Variants in DNAAF8 observed in about 807,000 individuals in gnomAD.
The protein encoded by DNAAF8 is dynein axonemal assembly factor 8, also known as dynein axonemal-associated protein 1.
In DNAAF8, 61 loss-of-function variants were observed where a neutral mutation model predicts 54.6. The ratio of observed to expected loss-of-function variants is 1.12; its 90% CI spans 0.91 to 1.38. The LOEUF is 1.38. Among genes scored for constraint, DNAAF8 ranks in the 40% most tolerant of loss-of-function variants. The pLI, the probability that DNAAF8 is intolerant of heterozygous loss-of-function variation, is 0.00. For missense variants in DNAAF8, 837 were observed against 665.0 expected (o/e 1.26, Z -2.85); for synonymous variants, 320 against 270.1 (o/e 1.18, Z -1.81).
At position 4,740,016 on chromosome 16, in the gene DNAAF8, A is replaced by G; in HGVS notation, c.277-137A>G. On this transcript the variant is annotated intron_variant, in intron 3 of 9. Coordinates refer to ENST00000299320, the MANE Select transcript of DNAAF8 (RefSeq NM_139170.3). ...CGAGGCTGCAGTGAGCTATGATCGC[A>G]CCACTGCACTGCAGCCTGGGCAACA... is the stretch of plus-strand genomic sequence containing the variant. The G allele has an allele frequency of 3.7e-6, 4 of 1,072,060 alleles. No homozygotes were observed. The South Asian group carries it at 6.5e-5, about 17-fold the overall frequency. 66.4% of individuals were successfully genotyped at this position (1,072,060 alleles called of 1,614,324 possible). A position where few individuals can be genotyped will look rare whatever the true frequency, so the allele number is the denominator to read the frequency against.
chr16:4,746,882 C>G (rs1266010206), intron 7 of DNAAF8, 45 bp from the exon 8 acceptor site: 1 of 1,481,108 alleles, frequency 6.8e-7, no homozygotes, highest in East Asian at 2.6e-5. Context: ...AGTTGGAACA[C>G]CAGGTGGAGT....
intron 2 of DNAAF8, among the ~76,000 whole-genome samples, chr16:4,737,100 G>C (rs1024111520): frequency 1.3e-5 from 2 of 152,154 alleles, no homozygotes; most frequent in African/African-American, 4.8e-5. Flanking sequence ...GGCTCTCAAA[G>C]ACGCTCAGAC....
chr16:4,736,123 C>G (rs558139364), intron 1 of DNAAF8, among the ~76,000 whole-genome samples: 2 of 151,842 alleles, frequency 1.3e-5, no homozygotes, highest in East Asian at 3.9e-4. Context: ...TAAAATATAC[C>G]TATATATCAT....
intron 4 of DNAAF8, 51 bp from the exon 5 acceptor site, chr16:4,742,992 G>A (rs2081973061): frequency 7.0e-7 from 1 of 1,418,546 alleles, no homozygotes; most frequent in Admixed American, 1.7e-5. Flanking sequence ...AGGTACTTGT[G>A]CCTCTGGGAC....
At position 4,740,643 on chromosome 16, in the gene DNAAF8, C is replaced by T. The variant is rs747671355; in HGVS notation, c.767C>T (p.Pro256Leu). ...MPLVEPPEGP[P>L]VLSLQQLEAW... ...CTCGTGGAGCCTCCGGAGGGACCAC[C>T]AGTGCTCTCGCTCCAGGTAGGCGCC... Residue 256 changes from proline (P) to leucine (L), a missense_variant, in exon 4 of 10, where the codon CCA becomes CTA. Pro to Leu is a moderately conservative substitution (Grantham distance 98). Coordinates refer to ENST00000299320, the MANE Select transcript of DNAAF8 (RefSeq NM_139170.3). The T allele has an allele frequency of 6.2e-7, 1 of 1,601,540 alleles. No individual in the cohort carries two copies. Among genetic ancestry groups the T allele is most frequent in the South Asian group, 1.1e-5 (1 of 90,654 alleles).
At chr16:4,735,972 G>C (rs1191795541) in intron 1 of DNAAF8, among the ~76,000 whole-genome samples, 1 of 152,012 alleles carries the variant, frequency 6.6e-6, no homozygotes, top group Non-Finnish European at 1.5e-5. Flanking sequence ...AAAAAAGCAA[G>C]GTGTCTTCTG....
rs534911031 is a variant in DNAAF8, at chr16:4,742,975, G to A, written c.784-68G>A. On this transcript the variant is annotated intron_variant, in intron 4 of 9. Transcript: ENST00000299320. ...ACCATCTCCATGGGTCACAGCAGCTGTGAAGCAGGTACTTGTGCCTCTGGG... is the reference window on the plus strand; with the variant it reads ...ACCATCTCCATGGGTCACAGCAGCTATGAAGCAGGTACTTGTGCCTCTGGG... 52 of 1,251,576 alleles carry A rather than the reference G, an allele frequency of 4.2e-5. 1 individual carries two copies. In the South Asian group the frequency reaches 6.3e-4, roughly 15 times the overall value. 77.5% of individuals were successfully genotyped at this position (1,251,576 alleles called of 1,614,324 possible).
At chr16:4,746,682 A>T in intron 7 of DNAAF8, 170 bp downstream of exon 7, 1 of 983,678 alleles carries the variant, frequency 1.0e-6, no homozygotes, top group Non-Finnish European at 1.5e-6. Context: ...CCCTGCAGGG[A>T]GGGAAGAGGG....
At chr16:4,740,694 C>A in intron 4 of DNAAF8, 35 bp downstream of exon 4, 1 of 1,533,300 alleles carries the variant, frequency 6.5e-7, no homozygotes, top group Non-Finnish European at 8.7e-7. Context: ...GTTTCTCAGG[C>A]CTGTTACCTG....
intron 3 of DNAAF8, among the ~76,000 whole-genome samples, chr16:4,738,892 AAAT>A (rs1392460301): frequency 6.6e-6 from 1 of 152,108 alleles, no homozygotes; most frequent in East Asian, 1.9e-4. Flanking sequence ...TCTAAAAAAA[AAAT>A]AATAATAAAG....
rs578012557 is a variant in DNAAF8, at chr16:4,741,369, G to A, written c.783+710G>A. Among the ~76,000 whole-genome samples the A allele has an allele frequency of 2.6e-5, 4 of 152,274 alleles. No homozygotes were observed. In the East Asian group the frequency reaches 7.7e-4, roughly 29 times the overall value. On this transcript the variant is annotated intron_variant, in intron 4 of 9. Transcript: ENST00000299320. ...TAGCCATATCTAAAATATAGAACCT[G>A]GTTCTGTCAAAGCCTGATCTCAAAA... is the stretch of plus-strand genomic sequence containing the variant.
At position 4,746,595 on chromosome 16, in the gene DNAAF8, G is replaced by C. The variant is rs150128579; in HGVS notation, c.1181+83G>C. 6.9e-6 allele frequency: 10 copies of C among 1,455,184 alleles called. No homozygotes were observed. The East Asian group carries it at 2.1e-4, about 30-fold the overall frequency. 90.1% of individuals were successfully genotyped at this position (1,455,184 alleles called of 1,614,324 possible). A position where few individuals can be genotyped will look rare whatever the true frequency, so the allele number is the denominator to read the frequency against. On this transcript the variant is annotated intron_variant, in intron 7 of 9. Transcript: ENST00000299320. ...CCGCACAGAGCCTCTGGTGGATCCT[G>C]ATGGGGAGGAACAGGGACTTCAAAA...
intron 3 of DNAAF8, among the ~76,000 whole-genome samples, chr16:4,739,265 G>GTTTTTGTTTT (rs2081931570): frequency 1.4e-5 from 1 of 69,030 alleles, no homozygotes; most frequent in African/African-American, 5.4e-5. Flanking sequence ...ATTTTTTCTT[G>GTTTTTGTTTT]TTTTTTTTTT....
Position 4,736,488 on chromosome 16 carries a change from A to T in DNAAF8, c.-27A>T. On this transcript the variant is annotated 5_prime_UTR_variant, in exon 2 of 10. The change abolishes the stop of an existing upstream ORF in the 5' untranslated region. Transcript: ENST00000299320. ...GAGCTCCCCGGATTATGGTGCACTG[A>T]GAAGGCATCTGGAAGCCTGGGCCCT... 6.6e-7 allele frequency: 1 copy of T among 1,518,284 alleles called. No homozygotes were observed. The highest frequency in any genetic ancestry group is 2.4e-5 in the East Asian group (1 of 41,146). The allele number at this position is 1,518,284 out of a possible 1,614,324, so 94.1% of individuals were successfully genotyped here. A position where few individuals can be genotyped will look rare whatever the true frequency, so the allele number is the denominator to read the frequency against.
chr16:4,747,350 A>C lies in DNAAF8; in HGVS notation c.1288A>C (p.Thr430Pro). ...GGTCTCATTGTGTCACAGGACCTGT[A>C]CCGGGAAAAGCCAGCTTCTCCAGCA... The part of the protein sequence containing the change: ...SPSSLGLRTC[T>P]GKSQLLQQLR... Residue 430 changes from threonine to proline, a missense_variant, in exon 9 of 10, where the codon ACC becomes CCC. Coordinates refer to ENST00000299320, the MANE Select transcript of DNAAF8 (RefSeq NM_139170.3). 6.3e-7 allele frequency: 1 copy of C among 1,580,244 alleles called. No homozygotes were observed. The highest frequency in any genetic ancestry group is 1.1e-5 in the South Asian group (1 of 87,138).
chr16:4,740,517 A>G lies in DNAAF8; in HGVS notation c.641A>G (p.Lys214Arg), dbSNP rs1430078173. ...ATGATAGAGACGGACATCCTCCAGA[A>G]AGTCACCCGGGATGCCTGCGGCCCG... ...RKMIETDILQKVTRDACGPTS... is the reference protein window; with the variant it reads ...RKMIETDILQRVTRDACGPTS... Residue 214 changes from lysine (K) to arginine (R), a missense_variant, in exon 4 of 10, where the codon AAA becomes AGA. Transcript: ENST00000299320. 5 of 1,614,102 alleles carry G rather than the reference A, an allele frequency of 3.1e-6. No homozygotes were observed. In the Admixed American group the frequency reaches 6.7e-5, roughly 22 times the overall value.
At position 4,740,145 on chromosome 16, in the gene DNAAF8, C is replaced by T; in HGVS notation, c.277-8C>T. The T allele has an allele frequency of 1.3e-6, 2 of 1,586,488 alleles. No homozygotes were observed. The highest frequency in any genetic ancestry group is 1.7e-6 in the Non-Finnish European group (2 of 1,164,270). ...GATGCTAACTGAACATACCTGTTTT[C>T]TTGACAGCCAGTTCTGGTGCCTGCA... On this transcript the variant is annotated splice_region_variant and splice_polypyrimidine_tract_variant and intron_variant, in intron 3 of 9. Transcript: ENST00000299320.
chr16:4,739,503 G>C (rs75351907), intron 3 of DNAAF8, among the ~76,000 whole-genome samples: 1 of 150,566 alleles, frequency 6.6e-6, no homozygotes, highest in African/African-American at 2.4e-5. Flanking sequence ...GGATGCCTCA[G>C]TGGTGCTGTC....
At position 4,746,413 on chromosome 16, in the gene DNAAF8, G is replaced by A. The variant is rs768616275; in HGVS notation, c.1082G>A (p.Gly361Asp). 112 of 1,612,958 alleles carry A rather than the reference G, an allele frequency of 6.9e-5. No individual in the cohort carries two copies. Among genetic ancestry groups the A allele is most frequent in the Non-Finnish European group, 9.4e-5 (111 of 1,179,442 alleles). The change falls in exon 7 of 10, where the codon GGC (glycine) becomes GAC (aspartate). Residue 361 changes from glycine to aspartate, a missense_variant. Coordinates refer to ENST00000299320, the MANE Select transcript of DNAAF8 (RefSeq NM_139170.3). ...SRKQGSQAGP[G>D]PQLAQGMRLN... ...AAGCAGGGCTCCCAGGCTGGGCCAG[G>A]CCCGCAGCTGGCCCAGGGCATGAGG...
Sources: gnomAD v4.1 joint callset for allele counts (sites outside exome capture counted in the v4.1 genomes callset) on GRCh38, gnomAD v4.1.1 for gene constraint, MANE v1.5 for transcripts, NCBI Gene and HGNC (gene_info 2026-07-23, HGNC 2026-07-21) for gene names.